Variants in WIPF3 observed in about 807,000 individuals in gnomAD.
WIPF3 encodes the protein WAS/WASL-interacting protein family member 3.
Under a neutral mutation model 38.9 loss-of-function variants are expected in WIPF3, and 33 were observed. The ratio of observed to expected loss-of-function variants is 0.85; its 90% CI spans 0.64 to 1.14. The LOEUF is 1.14. Among genes scored for constraint, WIPF3 ranks in the 50% most tolerant of loss-of-function variants. The probability of loss-of-function intolerance (pLI) is 0.00; values close to 1 mark genes in which losing one functional copy is unlikely to be tolerated. For synonymous variants in WIPF3, 324 were observed against 269.3 expected, an observed-to-expected ratio of 1.20 and a Z score of -1.99; for missense variants, 711 against 652.5, an observed-to-expected ratio of 1.09 and a Z score of -0.98.
intron 7 of WIPF3, among the ~76,000 whole-genome samples, chr7:29,890,472 G>A (rs1322681680): frequency 1.3e-5 from 2 of 152,110 alleles, no homozygotes; most frequent in African/African-American, 2.4e-5. Context: ...TATAGAGTGA[G>A]TGTCAAATGC....
intron 2 of WIPF3, among the ~76,000 whole-genome samples, chr7:29,870,588 T>G (rs1001064977): frequency 6.6e-6 from 1 of 152,132 alleles, no homozygotes; most frequent in Non-Finnish European, 1.5e-5. Context: ...TGAGATAACC[T>G]TGATGGGTAT....
chr7:29,861,367 T>C (rs57587985), intron 2 of WIPF3, among the ~76,000 whole-genome samples: 22,141 of 152,176 alleles, frequency 0.15, 1,626 homozygotes, highest in Non-Finnish European at 0.16. Context: ...CATGAACATA[T>C]GGACATAACA....
At chr7:29,879,624 TA>T (rs1315696786) in intron 4 of WIPF3, among the ~76,000 whole-genome samples, 1 of 152,224 alleles carries the variant, frequency 6.6e-6, no homozygotes, top group Non-Finnish European at 1.5e-5. Context: ...GTTAGCAGCT[TA>T]GAGTAGTCTT....
chr7:29,909,760 G>A (rs1786469149), intron 8 of WIPF3, among the ~76,000 whole-genome samples: 1 of 151,992 alleles, frequency 6.6e-6, no homozygotes, highest in African/African-American at 2.4e-5. Context: ...GCCAGATATG[G>A]TGGTGCGTGG....
At chr7:29,871,789 G>C (rs1179358019) in intron 2 of WIPF3, among the ~76,000 whole-genome samples, 1 of 152,098 alleles carries the variant, frequency 6.6e-6, no homozygotes, top group Non-Finnish European at 1.5e-5. Context: ...CCTTGACTTT[G>C]TTAAGACTGT....
intron 2 of WIPF3, among the ~76,000 whole-genome samples, chr7:29,862,063 G>GT (rs1483665538): frequency 6.6e-6 from 1 of 152,180 alleles, no homozygotes; most frequent in Non-Finnish European, 1.5e-5. Context: ...GGGAAGCCCT[G>GT]GTGTGGTTGC....
chr7:29,862,714 T>C (rs773372693), intron 2 of WIPF3, among the ~76,000 whole-genome samples: 4 of 152,218 alleles, frequency 2.6e-5, no homozygotes, highest in African/African-American at 4.8e-5. Context: ...CTAAATAATA[T>C]GCCAACACTG....
At chr7:29,887,066 C>T (rs1003238232) in intron 5 of WIPF3, among the ~76,000 whole-genome samples, 2 of 152,174 alleles carry the variant, frequency 1.3e-5, no homozygotes, top group East Asian at 1.9e-4. Context: ...ACATGAGACA[C>T]GAGGATGGCG....
At chr7:29,880,099 T>G (rs1452436532) in intron 4 of WIPF3, among the ~76,000 whole-genome samples, 1 of 152,208 alleles carries the variant, frequency 6.6e-6, no homozygotes, top group Non-Finnish European at 1.5e-5. Context: ...GCATCAGATG[T>G]TTTGAAAATA....
chr7:29,828,186 C>T (rs748228806), intron 1 of WIPF3, among the ~76,000 whole-genome samples: 1 of 152,200 alleles, frequency 6.6e-6, no homozygotes, highest in African/African-American at 2.4e-5. Flanking sequence ...CAGCTGTACT[C>T]TCACAGACTA....
Position 29,914,779 on chromosome 7 carries a change from C to T in WIPF3, c.*263C>T. The stretch of plus-strand genomic sequence containing the variant: ...TGTCAGCACAGATAGAGCCCTGTCC[C>T]TCCACCTAGTGCCCACTCCATGACT... On this transcript the variant is annotated 3_prime_UTR_variant, in exon 9 of 9. Coordinates refer to ENST00000242140, the MANE Select transcript of WIPF3 (RefSeq NM_001080529.3). 3.6e-6 allele frequency: 1 copy of T among 276,164 alleles called. No homozygotes were observed. The highest frequency in any genetic ancestry group is 6.8e-6 in the Non-Finnish European group (1 of 147,886). 17.1% of individuals were successfully genotyped at this position (276,164 alleles called of 1,614,324 possible). A position where few individuals can be genotyped will look rare whatever the true frequency, so the allele number is the denominator to read the frequency against.
At chr7:29,872,095 G>A (rs947928580) in intron 2 of WIPF3, among the ~76,000 whole-genome samples, 5 of 152,174 alleles carry the variant, frequency 3.3e-5, no homozygotes, top group Admixed American at 6.5e-5. Flanking sequence ...AGTTTTTGGT[G>A]CATAGTTTTG....
At chr7:29,824,930 TA>T (rs1784593271) in intron 1 of WIPF3, among the ~76,000 whole-genome samples, 12 of 152,170 alleles carry the variant, frequency 7.9e-5, no homozygotes, top group Admixed American at 7.9e-4. Flanking sequence ...GCACTTAAAC[TA>T]ACCTAAAGTC....
intron 2 of WIPF3, among the ~76,000 whole-genome samples, chr7:29,835,168 T>A (rs1284349793): frequency 2.6e-5 from 4 of 152,010 alleles, no homozygotes; most frequent in Admixed American, 1.3e-4. Flanking sequence ...AATGAGGCCT[T>A]GTGAAGTCAA....
intron 1 of WIPF3, among the ~76,000 whole-genome samples, chr7:29,808,690 AGTGTGT>A (rs59634993): frequency 0.084 from 12,715 of 150,522 alleles, 788 homozygotes; most frequent in African/African-American, 0.18. Context: ...GAATGGAGGA[AGTGTGT>A]GTGTGTGTGT....
At chr7:29,872,564 C>T (rs1186029350) in intron 2 of WIPF3, among the ~76,000 whole-genome samples, 1 of 151,846 alleles carries the variant, frequency 6.6e-6, no homozygotes, top group Non-Finnish European at 1.5e-5. Context: ...GAGGCCGAGG[C>T]GGGCGGATCA....
chr7:29,863,766 A>T (rs1785340025), intron 2 of WIPF3, among the ~76,000 whole-genome samples: 2 of 152,194 alleles, frequency 1.3e-5, no homozygotes, highest in Non-Finnish European at 2.9e-5. Context: ...GATTTTAAGA[A>T]TCCATATGCT....
At chr7:29,829,989 C>T (rs1313555674) in intron 1 of WIPF3, among the ~76,000 whole-genome samples, 1 of 152,136 alleles carries the variant, frequency 6.6e-6, no homozygotes, top group Non-Finnish European at 1.5e-5. Context: ...TGAGAGAACA[C>T]AAAGCCTCGA....
At chr7:29,824,434 C>A (rs1784584260) in intron 1 of WIPF3, among the ~76,000 whole-genome samples, 2 of 152,000 alleles carry the variant, frequency 1.3e-5, no homozygotes, top group South Asian at 4.1e-4. Context: ...GAGAAGAAAG[C>A]CAATGCAGAG....
Sources: allele counts gnomAD v4.1 joint callset (sites outside exome capture counted in the v4.1 genomes callset), GRCh38; gene constraint gnomAD v4.1.1; transcripts MANE v1.5; gene names NCBI Gene and HGNC (gene_info 2026-07-23, HGNC 2026-07-21).